Variants in EPB41L2 observed in about 807,000 individuals in gnomAD.
EPB41L2 encodes the protein erythrocyte membrane protein band 4.1 like 2, also known as band 4.1-like protein 2.
A neutral mutation model predicts 113.0 loss-of-function variants in EPB41L2; 43 were observed. The observed-to-expected ratio is 0.38, with a 90% CI of 0.30 to 0.49. The LOEUF is 0.49. Among genes scored for constraint, EPB41L2 ranks in the 20% least tolerant of loss-of-function variants. The pLI is 0.95. For synonymous variants in EPB41L2, 442 were observed against 436.7 expected (o/e 1.01, Z -0.15); for missense variants, 1,147 against 1,223.4 (o/e 0.94, Z 0.93).
At chr6:130,935,224 T>G (rs7769153) in intron 3 of EPB41L2, among the ~76,000 whole-genome samples, 10,999 of 152,284 alleles carry the variant, frequency 0.072, 621 homozygotes, top group African/African-American at 0.14. Flanking sequence ...AACTGTAACC[T>G]GCAATCATTT....
rs796275441 is a variant in EPB41L2 at position 131,031,297 on chromosome 6, A to AT, written c.-15+31857dup. On this transcript the variant is annotated intron_variant, in intron 1 of 19. Coordinates refer to ENST00000337057, the MANE Select transcript of EPB41L2 (RefSeq NM_001431.4). ...AGTAAGGATAAGAAAATATACAGAG[A>AT]TTTTTTTTTTAAAAAGCCATAATAG... Among the ~76,000 whole-genome samples, 1,191 of 151,762 alleles carry AT rather than the reference A, an allele frequency of 7.8e-3. 8 individuals carry two copies. The highest frequency in any genetic ancestry group is 0.014 in the Middle Eastern group (4 of 294).
At chr6:131,060,902 G>A (rs1294511692) in intron 1 of EPB41L2, among the ~76,000 whole-genome samples, 2 of 152,090 alleles carry the variant, frequency 1.3e-5, no homozygotes, top group African/African-American at 2.4e-5. Flanking sequence ...GCTACAAAAT[G>A]CTCCCTGGCA....
At chr6:130,948,201 G>A (rs567049939) in intron 3 of EPB41L2, among the ~76,000 whole-genome samples, 17 of 152,298 alleles carry the variant, frequency 1.1e-4, no homozygotes, top group African/African-American at 4.1e-4. Flanking sequence ...AGACTCCTAT[G>A]CTTTCCCAAT....
At chr6:131,000,255 T>C (rs1784071344) in intron 1 of EPB41L2, among the ~76,000 whole-genome samples, 1 of 151,982 alleles carries the variant, frequency 6.6e-6, no homozygotes, top group African/African-American at 2.4e-5. Context: ...TTCAAGTTGG[T>C]GTTAAAATCA....
chr6:131,030,631 A>T (rs1791949413), intron 1 of EPB41L2, among the ~76,000 whole-genome samples: 1 of 152,244 alleles, frequency 6.6e-6, no homozygotes, highest in South Asian at 2.1e-4. Flanking sequence ...AATTAAGTTA[A>T]TCTGAACCAT....
intron 1 of EPB41L2, among the ~76,000 whole-genome samples, chr6:131,000,301 C>T (rs1214563488): frequency 6.6e-5 from 10 of 152,070 alleles, no homozygotes; most frequent in Admixed American, 6.6e-4. Flanking sequence ...CCTGGAAAAG[C>T]GAAGGGTGCC....
intron 4 of EPB41L2, among the ~76,000 whole-genome samples, chr6:130,925,186 T>TTTTC (rs1367210759): frequency 2.4e-5 from 3 of 126,086 alleles, no homozygotes; most frequent in African/African-American, 1.3e-4. Context: ...ATCAGATTTC[T>TTTTC]TTTCTTTTTT....
intron 1 of EPB41L2, among the ~76,000 whole-genome samples, chr6:131,048,153 A>G (rs896714174): frequency 7.2e-5 from 6 of 83,476 alleles, no homozygotes; most frequent in Non-Finnish European, 1.7e-4. Context: ...AAAAAAAAAA[A>G]AAAAGAAAAA....
intron 1 of EPB41L2, among the ~76,000 whole-genome samples, chr6:131,010,601 C>A (rs1188511529): frequency 6.6e-6 from 1 of 151,662 alleles, no homozygotes; most frequent in African/African-American, 2.4e-5. Context: ...TTAGTAGAGA[C>A]GGGGTTTCAC....
At chr6:130,899,333 A>G (rs1462521204) in intron 8 of EPB41L2, among the ~76,000 whole-genome samples, 158 bp downstream of exon 8, 1 of 151,408 alleles carries the variant, frequency 6.6e-6, no homozygotes, top group Non-Finnish European at 1.5e-5. Flanking sequence ...ACAACCAAAC[A>G]CCCCATAATT....
chr6:130,954,612 T>A (rs1266265637), intron 3 of EPB41L2, among the ~76,000 whole-genome samples: 1 of 152,194 alleles, frequency 6.6e-6, no homozygotes, highest in Non-Finnish European at 1.5e-5. Context: ...AGGTACTAGA[T>A]GCGTTAAAAG....
intron 1 of EPB41L2, among the ~76,000 whole-genome samples, chr6:131,048,138 C>CAAA (rs200522047): frequency 0.011 from 569 of 52,974 alleles, 22 homozygotes; most frequent in African/African-American, 0.03. Context: ...GACTCTGTCT[C>CAAA]AAAAAAAAAA....
intron 1 of EPB41L2, among the ~76,000 whole-genome samples, chr6:130,961,936 C>T (rs1773672331): frequency 6.6e-6 from 1 of 152,140 alleles, no homozygotes; most frequent in Non-Finnish European, 1.5e-5. Context: ...AACAAATAAC[C>T]ATTGAACTTA....
intron 6 of EPB41L2, among the ~76,000 whole-genome samples, 182 bp from the exon 7 acceptor site, chr6:130,901,362 C>T (rs191726012): frequency 1.3e-5 from 2 of 152,254 alleles, no homozygotes; most frequent in Non-Finnish European, 2.9e-5. Flanking sequence ...GGCTTCTAAA[C>T]TTGTGGCTTA....
chr6:130,849,025 C>T (rs1324180347), intron 19 of EPB41L2, among the ~76,000 whole-genome samples: 2 of 152,132 alleles, frequency 1.3e-5, no homozygotes, highest in Non-Finnish European at 2.9e-5. Context: ...GACAGGGTAA[C>T]AAAGTCATAA....
At chr6:130,904,121 C>T (rs1797052933) in intron 6 of EPB41L2, among the ~76,000 whole-genome samples, 1 of 152,076 alleles carries the variant, frequency 6.6e-6, no homozygotes, top group Admixed American at 6.5e-5. Flanking sequence ...AGTATATAAG[C>T]ACACATGAGT....
chr6:130,875,499 G>A (rs1446526488), intron 14 of EPB41L2, among the ~76,000 whole-genome samples: 1 of 152,094 alleles, frequency 6.6e-6, no homozygotes, highest in Non-Finnish European at 1.5e-5. Context: ...TGGTCTTTCA[G>A]TTCCTGTGTT....
chr6:131,020,110 T>C (rs934451415), intron 1 of EPB41L2, among the ~76,000 whole-genome samples: 1 of 152,170 alleles, frequency 6.6e-6, no homozygotes, highest in Non-Finnish European at 1.5e-5. Flanking sequence ...TTATATTGTC[T>C]TCTAATCTGA....
chr6:130,909,177 T>G (rs550521523), intron 4 of EPB41L2, among the ~76,000 whole-genome samples: 1 of 152,334 alleles, frequency 6.6e-6, no homozygotes, highest in South Asian at 2.1e-4. Flanking sequence ...TCTGTAGAAC[T>G]GCCAACAAAT....
Sources: allele counts gnomAD v4.1 joint callset (sites outside exome capture counted in the v4.1 genomes callset), GRCh38; gene constraint gnomAD v4.1.1; transcripts MANE v1.5; gene names NCBI Gene and HGNC (gene_info 2026-07-23, HGNC 2026-07-21).